The following CHST11 variants were observed in gnomAD, a reference collection of about 807,000 sequenced individuals.
CHST11 encodes carbohydrate sulfotransferase 11, also known as C4S-1.
In CHST11, 9 loss-of-function variants were observed where a neutral mutation model predicts 30.4. The ratio of observed to expected loss-of-function variants is 0.30; its 90% confidence interval spans 0.18 to 0.52. The LOEUF is 0.52. CHST11 is among the 20% of genes least tolerant of loss of function. The pLI, the probability that CHST11 is intolerant of heterozygous loss-of-function variation, is 0.97. For missense variants in CHST11, 348 were observed against 460.6 expected, an observed-to-expected ratio of 0.76 and a Z score of 2.24; for synonymous variants, 152 against 187.8, an observed-to-expected ratio of 0.81 and a Z score of 1.56.
chr12:104,530,884 A>G (rs2038176901), intron 1 of CHST11, among the ~76,000 whole-genome samples: 1 of 152,208 alleles, frequency 6.6e-6, no homozygotes, highest in Admixed American at 6.5e-5. Context: ...GTAGACCCTG[A>G]TTCATGATTT....
chr12:104,536,419 C>T lies in CHST11; in HGVS notation c.119-65487C>T, dbSNP rs7309168. 4.3e-3 allele frequency among the ~76,000 whole-genome samples: 650 copies of T among 152,322 alleles called. 1 individual carries two copies. The highest frequency in any genetic ancestry group is 0.015 in the African/African-American group (616 of 41,576). On this transcript the variant is annotated intron_variant, in intron 1 of 2. Transcript: ENST00000303694. ...GGTCATAGGACCAGCAGTATCAGCA[C>T]CACAGTTGTTAGATGTTAGCAGTGC...
intron 2 of CHST11, among the ~76,000 whole-genome samples, chr12:104,626,860 C>G: frequency 6.6e-6 from 1 of 152,064 alleles, no homozygotes. Flanking sequence ...ATTGACATGT[C>G]TTTGTCACCC....
chr12:104,666,798 C>T (rs1305007152), intron 2 of CHST11, among the ~76,000 whole-genome samples: 1 of 152,090 alleles, frequency 6.6e-6, no homozygotes, highest in Non-Finnish European at 1.5e-5. Flanking sequence ...ATCAGAGAGG[C>T]GGGGCAAGGT....
chr12:104,668,193 A>T (rs2039659085), intron 2 of CHST11, among the ~76,000 whole-genome samples: 1 of 152,210 alleles, frequency 6.6e-6, no homozygotes, highest in South Asian at 2.1e-4. Flanking sequence ...AGCACCCCTC[A>T]TAGGGTCATA....
At chr12:104,565,634 C>T (rs183121016) in intron 1 of CHST11, among the ~76,000 whole-genome samples, 31 of 152,088 alleles carry the variant, frequency 2.0e-4, no homozygotes, top group East Asian at 3.8e-4. Context: ...AGCACTAAGA[C>T]GCTCTATCAC....
chr12:104,668,268 C>A (rs1250095835), intron 2 of CHST11, among the ~76,000 whole-genome samples: 1 of 152,102 alleles, frequency 6.6e-6, no homozygotes, highest in Admixed American at 6.5e-5. Context: ...CAAAGGAAGC[C>A]CCCAGGAAGC....
intron 1 of CHST11, among the ~76,000 whole-genome samples, chr12:104,520,378 A>T (rs560596545): frequency 3.9e-5 from 6 of 152,160 alleles, no homozygotes; most frequent in African/African-American, 9.7e-5. Flanking sequence ...ATGGTTAGTG[A>T]TTAGTTTGCT....
At chr12:104,707,290 C>T (rs2040044585) in intron 2 of CHST11, among the ~76,000 whole-genome samples, 1 of 152,310 alleles carries the variant, frequency 6.6e-6, no homozygotes, top group East Asian at 1.9e-4. Flanking sequence ...CCTACAGAGT[C>T]GGGGCAGGGG....
At chr12:104,649,691 A>G (rs1039142946) in intron 2 of CHST11, among the ~76,000 whole-genome samples, 1 of 152,216 alleles carries the variant, frequency 6.6e-6, no homozygotes, top group Non-Finnish European at 1.5e-5. Context: ...TAGCATGCCA[A>G]CTCATCTGAA....
intron 1 of CHST11, among the ~76,000 whole-genome samples, chr12:104,591,318 T>A (rs753162239): frequency 6.6e-6 from 1 of 151,888 alleles, no homozygotes; most frequent in Non-Finnish European, 1.5e-5. Flanking sequence ...TGGCCGCTGG[T>A]AGAGAATAGA....
intron 2 of CHST11, among the ~76,000 whole-genome samples, chr12:104,709,719 G>C (rs949608358): frequency 6.6e-6 from 1 of 152,162 alleles, no homozygotes; most frequent in Admixed American, 6.5e-5. Flanking sequence ...AGGCAAATCC[G>C]TGGAGACAGA....
At chr12:104,620,085 T>C (rs985499782) in intron 2 of CHST11, among the ~76,000 whole-genome samples, 2 of 152,192 alleles carry the variant, frequency 1.3e-5, no homozygotes, top group African/African-American at 4.8e-5. Context: ...GGAAATTGCA[T>C]GCTAAAGAGA....
intron 2 of CHST11, among the ~76,000 whole-genome samples, chr12:104,707,356 A>G (rs1001132073): frequency 5.9e-5 from 9 of 152,232 alleles, no homozygotes; most frequent in African/African-American, 2.2e-4. Flanking sequence ...GGGCTGTGAT[A>G]TCACTTTAGT....
chr12:104,493,275 C>A (rs191083272), intron 1 of CHST11, among the ~76,000 whole-genome samples: 1 of 152,352 alleles, frequency 6.6e-6, no homozygotes, highest in East Asian at 1.9e-4. Flanking sequence ...TACCTTGGAG[C>A]TGGTATCCAG....
chr12:104,668,665 C>T (rs777987949), intron 2 of CHST11, among the ~76,000 whole-genome samples: 2 of 152,296 alleles, frequency 1.3e-5, no homozygotes, highest in South Asian at 2.1e-4. Context: ...ATTATCCCCC[C>T]GGGTGGATAG....
intron 1 of CHST11, chr12:104,514,249 C>G: frequency 4.6e-6 from 4 of 865,000 alleles, no homozygotes; most frequent in South Asian, 3.9e-5. Context: ...GGTGTTGGGG[C>G]AGCCACAGTT....
chr12:104,634,221 G>A (rs7299035), intron 2 of CHST11, among the ~76,000 whole-genome samples: 5 of 152,186 alleles, frequency 3.3e-5, no homozygotes, highest in Admixed American at 1.3e-4. Flanking sequence ...TATCTGTCTC[G>A]TTCACAGTAC....
Position 104,732,589 on chromosome 12 carries a change from G to A in CHST11, c.205-24360G>A, listed in dbSNP as rs561911897. 8.8e-4 allele frequency among the ~76,000 whole-genome samples: 134 copies of A among 152,286 alleles called. 1 individual carries two copies. Among genetic ancestry groups the A allele is most frequent in the African/African-American group, 3.1e-3 (127 of 41,552 alleles). On this transcript the variant is annotated intron_variant, in intron 2 of 2. Coordinates refer to ENST00000303694, the MANE Select transcript of CHST11 (RefSeq NM_018413.6). ...AGGGTCTAAGGGTGAAGTAACAGGCGGGAGTGCCTGTCATGCACAGCACTA... is the reference window on the plus strand; with the variant it reads ...AGGGTCTAAGGGTGAAGTAACAGGCAGGAGTGCCTGTCATGCACAGCACTA...
At chr12:104,631,813 C>T (rs1033642599) in intron 2 of CHST11, among the ~76,000 whole-genome samples, 5 of 152,186 alleles carry the variant, frequency 3.3e-5, no homozygotes, top group African/African-American at 1.2e-4. Context: ...ACCTAAGACC[C>T]TTCTGATTGC....
Sources: allele counts gnomAD v4.1 joint callset (sites outside exome capture counted in the v4.1 genomes callset), GRCh38; gene constraint gnomAD v4.1.1; transcripts MANE v1.5; gene names NCBI Gene and HGNC (gene_info 2026-07-23, HGNC 2026-07-21).